The following ME2 variants were observed in gnomAD, a reference collection of about 807,000 sequenced individuals.
ME2 encodes the protein NAD-dependent malic enzyme, mitochondrial.
In ME2, 60 loss-of-function variants were observed where a neutral mutation model predicts 73.7. The ratio of observed to expected loss-of-function variants is 0.81; its 90% CI spans 0.66 to 1.01. The LOEUF is 1.01. Among genes scored for constraint, ME2 ranks in the 50% least tolerant of loss-of-function variants. The pLI, the probability that ME2 is intolerant of heterozygous loss-of-function variation, is 0.00. For synonymous variants in ME2, 199 were observed against 236.9 expected (o/e 0.84, Z 1.47); for missense variants, 594 against 705.5 (o/e 0.84, Z 1.79).
intron 13 of ME2, among the ~76,000 whole-genome samples, chr18:50,937,573 A>G (rs1292023910): frequency 6.6e-6 from 1 of 152,228 alleles, no homozygotes; most frequent in Non-Finnish European, 1.5e-5. Context: ...ACAAACAGAA[A>G]AAGACATCTT....
chr18:50,921,036 A>T, intron 9 of ME2, 38 bp from the exon 10 acceptor site: 1 of 986,222 alleles, frequency 1.0e-6, no homozygotes. Flanking sequence ...ATTGCATCGT[A>T]CTCTAGTATA....
chr18:50,918,433 C>T (rs608986), intron 7 of ME2, among the ~76,000 whole-genome samples: 1 of 152,148 alleles, frequency 6.6e-6, no homozygotes, highest in Non-Finnish European at 1.5e-5. Flanking sequence ...AGTTACCTGA[C>T]ATTTTGAGGG....
At chr18:50,886,283 G>T (rs1225460543) in intron 1 of ME2, among the ~76,000 whole-genome samples, 2 of 146,466 alleles carry the variant, frequency 1.4e-5, no homozygotes, top group African/African-American at 2.5e-5. Flanking sequence ...TCACTCCGTT[G>T]CCCAGGCTGG....
At chr18:50,894,071 T>C (rs1916672856) in intron 1 of ME2, among the ~76,000 whole-genome samples, 1 of 152,220 alleles carries the variant, frequency 6.6e-6, no homozygotes, top group Admixed American at 6.5e-5. Flanking sequence ...ATATTTAATA[T>C]CAGGCTTACC....
At position 50,951,547 on chromosome 18, in the gene ME2, CTT is replaced by C. The variant is rs36058911; in HGVS notation, c.*4379_*4380del. On this transcript the variant is annotated 3_prime_UTR_variant, in exon 16 of 16. Transcript: ENST00000321341. ...TCTCTTCTTTGACGTGTTACGTTGTCTTTTTTTTTTTTTTTTTAACTTCTTCA... is the reference window on the plus strand; with the variant it reads ...TCTCTTCTTTGACGTGTTACGTTGTCTTTTTTTTTTTTTTTAACTTCTTCA... The C allele has an allele frequency of 1.9e-3, 264 of 136,086 alleles. No individual in the cohort carries two copies. Among genetic ancestry groups the C allele is most frequent in the Non-Finnish European group, 2.8e-3 (181 of 64,034 alleles). The allele number at this position is 136,086 out of a possible 1,614,324, so 8.4% of individuals were successfully genotyped here.
At chr18:50,903,143 T>A (rs1275451222) in intron 2 of ME2, among the ~76,000 whole-genome samples, 2 of 151,972 alleles carry the variant, frequency 1.3e-5, no homozygotes, top group African/African-American at 4.8e-5. Context: ...CAAAGGGAGA[T>A]GGAGAAAGTA....
intron 12 of ME2, 87 bp from the exon 13 acceptor site, chr18:50,932,171 C>A: frequency 1.8e-6 from 2 of 1,090,580 alleles, no homozygotes; most frequent in East Asian, 4.9e-5. Flanking sequence ...GTCTATTTTA[C>A]TTCAGGACTT....
chr18:50,907,928 C>A, intron 2 of ME2, 135 bp from the exon 3 acceptor site: 1 of 613,732 alleles, frequency 1.6e-6, no homozygotes, highest in African/African-American at 1.9e-5. Flanking sequence ...ATCAGTCTTA[C>A]AAAGTTTTGA....
At chr18:50,880,666 C>T (rs1916297533) in intron 1 of ME2, among the ~76,000 whole-genome samples, 2 of 152,100 alleles carry the variant, frequency 1.3e-5, no homozygotes, top group African/African-American at 2.4e-5. Context: ...GATCTACCCA[C>T]CTTGACCTTC....
At chr18:50,919,893 A>G (rs1175957881) in intron 7 of ME2, among the ~76,000 whole-genome samples, 2 of 151,842 alleles carry the variant, frequency 1.3e-5, no homozygotes, top group African/African-American at 2.4e-5. Context: ...ACCATGAAAT[A>G]TATAGCCAGA....
chr18:50,881,691 A>G (rs1916328376), intron 1 of ME2, among the ~76,000 whole-genome samples: 1 of 152,200 alleles, frequency 6.6e-6, no homozygotes, highest in African/African-American at 2.4e-5. Flanking sequence ...TTATCCTTAT[A>G]GCCTCTTATA....
intron 1 of ME2, among the ~76,000 whole-genome samples, chr18:50,880,337 C>A (rs1452780387): frequency 6.6e-6 from 1 of 152,174 alleles, no homozygotes; most frequent in African/African-American, 2.4e-5. Context: ...AGTGGTCTAA[C>A]TTCATAGCTG....
chr18:50,927,334 C>T (rs1206028137), intron 12 of ME2, among the ~76,000 whole-genome samples: 1 of 152,064 alleles, frequency 6.6e-6, no homozygotes, highest in Non-Finnish European at 1.5e-5. Flanking sequence ...AATCTTCACT[C>T]CTTTAAAACA....
chr18:50,908,889 C>T, intron 3 of ME2, among the ~76,000 whole-genome samples: 1 of 152,022 alleles, frequency 6.6e-6, no homozygotes, highest in Non-Finnish European at 1.5e-5. Context: ...GATCCGCCCG[C>T]CTCAGCCTCC....
intron 15 of ME2, among the ~76,000 whole-genome samples, chr18:50,943,323 C>T (rs748528951): frequency 6.6e-6 from 1 of 151,164 alleles, no homozygotes; most frequent in Admixed American, 6.6e-5. Context: ...ATTTTGAGGC[C>T]GAGTTTTACT....
At chr18:50,918,278 G>A (rs1221684412) in intron 7 of ME2, 65 bp downstream of exon 7, 3 of 978,394 alleles carry the variant, frequency 3.1e-6, no homozygotes, top group African/African-American at 3.3e-5. Context: ...AAGAACCAAA[G>A]TTTTGTTTTG....
chr18:50,917,396 G>A lies in ME2; in HGVS notation c.518G>A (p.Gly173Asp). The stretch of plus-strand genomic sequence containing the variant: ...AGAATTCTGGGTCTTGGAGATCTGG[G>A]TGTCTATGGAATGGGAATTCCAGTA... Reference protein sequence around the residue: ...GERILGLGDLGVYGMGIPVGK... With the variant: ...GERILGLGDLDVYGMGIPVGK... The change falls in exon 6 of 16, where the codon GGT becomes GAT. Residue 173 changes from glycine to aspartate, a missense_variant. Gly to Asp is a moderately conservative substitution (Grantham distance 94). Coordinates refer to ENST00000321341, the MANE Select transcript of ME2 (RefSeq NM_002396.5). The A allele has an allele frequency of 6.2e-7, 1 of 1,613,644 alleles. No homozygotes were observed.
intron 2 of ME2, among the ~76,000 whole-genome samples, chr18:50,903,547 C>T (rs772172777): frequency 6.6e-6 from 1 of 152,050 alleles, no homozygotes; most frequent in African/African-American, 2.4e-5. Context: ...ACCTTCCAGG[C>T]TTAGGAGATC....
At chr18:50,901,486 G>T (rs1408644553) in intron 2 of ME2, among the ~76,000 whole-genome samples, 2 of 152,192 alleles carry the variant, frequency 1.3e-5, no homozygotes, top group Non-Finnish European at 2.9e-5. Flanking sequence ...GAATCAGAGA[G>T]ATGAGAAAAT....
Sources: gnomAD v4.1 joint callset for allele counts (sites outside exome capture counted in the v4.1 genomes callset) on GRCh38, gnomAD v4.1.1 for gene constraint, MANE v1.5 for transcripts, NCBI Gene and HGNC (gene_info 2026-07-23, HGNC 2026-07-21) for gene names.